The following SRGAP3 variants were observed in gnomAD, a reference collection of about 807,000 sequenced individuals.
SRGAP3 encodes SLIT-ROBO Rho GTPase-activating protein 3.
Under a neutral mutation model 121.1 loss-of-function variants are expected in SRGAP3, and 39 were observed. The ratio of observed to expected loss-of-function variants is 0.32; its 90% CI spans 0.25 to 0.42. The LOEUF (loss-of-function observed/expected upper bound fraction) is 0.42. Among genes scored for constraint, SRGAP3 ranks in the 10% least tolerant of loss-of-function variants. The probability of loss-of-function intolerance (pLI) is 1.00; values close to 1 mark genes in which losing one functional copy is unlikely to be tolerated. For synonymous variants in SRGAP3, 601 were observed against 570.0 expected (o/e 1.05, Z -0.77); for missense variants, 1,213 against 1,470.6 (o/e 0.82, Z 2.86).
intron 18 of SRGAP3, among the ~76,000 whole-genome samples, chr3:9,006,451 G>T (rs572768020): frequency 4.0e-5 from 6 of 151,834 alleles, no homozygotes; most frequent in Admixed American, 3.9e-4. Flanking sequence ...CACAACTGGG[G>T]TGTTTGTGCA....
At chr3:9,298,476 G>T (rs966963213) in intron 3 of SRGAP3, among the ~76,000 whole-genome samples, 6 of 152,068 alleles carry the variant, frequency 3.9e-5, no homozygotes, top group Non-Finnish European at 8.8e-5. Context: ...TAAAAATCTG[G>T]CTGTGATAGC....
chr3:8,982,090 CA>C lies in SRGAP3; in HGVS notation c.*3428del. 4.4e-6 allele frequency: 1 copy of C among 226,082 alleles called. No homozygotes were observed. Among genetic ancestry groups the C allele is most frequent in the Non-Finnish European group, 8.8e-6 (1 of 113,332 alleles). 14.0% of individuals were successfully genotyped at this position (226,082 alleles called of 1,614,324 possible). ...AGCACAGCTTGTTCTCAATTTTATC[CA>C]AAAAGCTCTTTAGTGGCAGCTGAGC... On this transcript the variant is annotated 3_prime_UTR_variant, in exon 22 of 22. Coordinates refer to ENST00000383836, the MANE Select transcript of SRGAP3 (RefSeq NM_014850.4).
Position 8,980,804 on chromosome 3 carries a change from C to A in SRGAP3, c.*4715G>T, listed in dbSNP as rs1941376848. 1 of 232,846 alleles carries A rather than the reference C, an allele frequency of 4.3e-6. No homozygotes were observed. 14.4% of individuals were successfully genotyped at this position (232,846 alleles called of 1,614,324 possible). A position where few individuals can be genotyped will look rare whatever the true frequency, so the allele number is the denominator to read the frequency against. ...CCTAGGGTGGTTTTGGTCTGTTTTT[C>A]CTGTCACAATTTGGGGAGGAAGGAA... On this transcript the variant is annotated 3_prime_UTR_variant, in exon 22 of 22. Transcript: ENST00000383836.
At chr3:9,234,699 G>A (rs1350173456) in intron 1 of SRGAP3, among the ~76,000 whole-genome samples, 5 of 152,122 alleles carry the variant, frequency 3.3e-5, no homozygotes, top group African/African-American at 7.2e-5. Flanking sequence ...ACCAGCAATC[G>A]GAAGCAAGGG....
At chr3:9,311,127 G>A (rs995753632) in intron 3 of SRGAP3, among the ~76,000 whole-genome samples, 9 of 150,510 alleles carry the variant, frequency 6.0e-5, no homozygotes, top group Admixed American at 2.7e-4. Flanking sequence ...CCCAGGTTGC[G>A]TCACTGCACT....
chr3:9,246,173 A>C (rs953516578), intron 1 of SRGAP3, among the ~76,000 whole-genome samples: 5 of 152,262 alleles, frequency 3.3e-5, no homozygotes, highest in African/African-American at 1.2e-4. Context: ...TGAAAAAGAC[A>C]TAAAAGGGAA....
rs368496076 is a variant in SRGAP3 at position 8,999,151 on chromosome 3, C to T, written c.2228-4628G>A. On this transcript the variant is annotated intron_variant, in intron 18 of 21. Transcript: ENST00000383836. Reference sequence around the variant, plus strand: ...CTACAGTGAGGGAAGAGATGAACAGCCCAGCCCCTGAGCTACAGGAGAGGT... The same window carrying T: ...CTACAGTGAGGGAAGAGATGAACAGTCCAGCCCCTGAGCTACAGGAGAGGT... 4.6e-5 allele frequency among the ~76,000 whole-genome samples: 7 copies of T among 152,314 alleles called. No homozygotes were observed. The South Asian group carries it at 8.3e-4, about 18-fold the overall frequency.
chr3:9,290,627 A>G (rs1002100047), intron 3 of SRGAP3, among the ~76,000 whole-genome samples: 1 of 152,206 alleles, frequency 6.6e-6, no homozygotes, highest in African/African-American at 2.4e-5. Context: ...CCTCTTCAGA[A>G]TCCTCTAACT....
intron 4 of SRGAP3, among the ~76,000 whole-genome samples, chr3:9,079,375 C>T (rs1316481978): frequency 6.6e-6 from 1 of 152,188 alleles, no homozygotes; most frequent in Non-Finnish European, 1.5e-5. Context: ...CTGAAAGTTC[C>T]TGCATCATCA....
intron 1 of SRGAP3, among the ~76,000 whole-genome samples, chr3:9,358,895 T>C (rs1451841515): frequency 6.6e-6 from 1 of 152,148 alleles, no homozygotes; most frequent in African/African-American, 2.4e-5. Context: ...GAAGGTTTAC[T>C]GAAAAATCTA....
Position 9,056,328 on chromosome 3 carries a change from G to C in SRGAP3, c.1030C>G (p.Gln344Glu), listed in dbSNP as rs201076448. The change falls in exon 8 of 22, where the codon CAG becomes GAG. Residue 344 changes from glutamine (Q) to glutamate (E), a missense_variant. Gln to Glu is a conservative substitution (Grantham distance 29). Around this residue, in one of 2 missense-constraint regions of SRGAP3, gnomAD observed 793 missense variants for 1,032.9 expected, o/e 0.77. Transcript: ENST00000383836. ...TGGACGGGCTGCTGAGCGCTGACCT[G>C]GCAGACCTGCAGGAATAACAGCCAC... is the stretch of plus-strand genomic sequence containing the variant. Reference protein sequence around the residue: ...FQPHMGDEVCQVSAQQPVQTE... With the variant: ...FQPHMGDEVCEVSAQQPVQTE... 3 of 1,612,776 alleles carry C rather than the reference G, an allele frequency of 1.9e-6. No individual in the cohort carries two copies. Among genetic ancestry groups the C allele is most frequent in the Non-Finnish European group, 8.5e-7 (1 of 1,179,886 alleles).
chr3:9,054,316 T>C (rs752416474), intron 8 of SRGAP3, among the ~76,000 whole-genome samples: 1 of 152,224 alleles, frequency 6.6e-6, no homozygotes, highest in Non-Finnish European at 1.5e-5. Context: ...ATTTACAGCC[T>C]ATCCTCTGAA....
intron 1 of SRGAP3, among the ~76,000 whole-genome samples, chr3:9,355,506 G>A (rs1201062605): frequency 6.6e-6 from 1 of 152,200 alleles, no homozygotes; most frequent in Non-Finnish European, 1.5e-5. Context: ...CCTAGGCCCT[G>A]CTGAATATGC....
At chr3:9,229,539 C>CT (rs1373952445) in intron 1 of SRGAP3, among the ~76,000 whole-genome samples, 1 of 152,192 alleles carries the variant, frequency 6.6e-6, no homozygotes, top group African/African-American at 2.4e-5. Context: ...TCAGCCACAG[C>CT]TTTGAGATAA....
At chr3:9,107,265 T>G (rs1390528920) in intron 2 of SRGAP3, among the ~76,000 whole-genome samples, 7 of 152,220 alleles carry the variant, frequency 4.6e-5, no homozygotes, top group African/African-American at 1.7e-4. Flanking sequence ...GTGGCCGTGA[T>G]GCACACTCTG....
At chr3:9,229,460 G>T (rs141343849) in intron 1 of SRGAP3, among the ~76,000 whole-genome samples, 1 of 152,158 alleles carries the variant, frequency 6.6e-6, no homozygotes, top group Non-Finnish European at 1.5e-5. Flanking sequence ...CCGGACAGAG[G>T]CCGGCATGGC....
intron 14 of SRGAP3, among the ~76,000 whole-genome samples, chr3:9,020,208 A>T (rs1261503757): frequency 6.6e-6 from 1 of 151,924 alleles, no homozygotes; most frequent in Non-Finnish European, 1.5e-5. Context: ...TCTACCTGTG[A>T]TTTTTTGATC....
intron 1 of SRGAP3, among the ~76,000 whole-genome samples, chr3:9,242,516 T>C (rs1460981723): frequency 2.6e-5 from 4 of 152,050 alleles, no homozygotes; most frequent in Non-Finnish European, 4.4e-5. Flanking sequence ...GTGCCTGTAG[T>C]CCCAGCTACT....
chr3:9,122,703 C>T lies in SRGAP3; in HGVS notation c.260+2022G>A, dbSNP rs535496815. On this transcript the variant is annotated intron_variant, in intron 2 of 21. Coordinates refer to ENST00000383836, the MANE Select transcript of SRGAP3 (RefSeq NM_014850.4). ...CAGCCTGGGTGGCAGAGCAAGACTC[C>T]GTCTCAAAAAAAAAAAAAAAAAAGG... Among the ~76,000 whole-genome samples, 10 of 138,316 alleles carry T rather than the reference C, an allele frequency of 7.2e-5. 1 individual carries two copies. Among genetic ancestry groups the T allele is most frequent in the South Asian group, 4.7e-4 (2 of 4,264 alleles). 90.7% of individuals were successfully genotyped at this position (138,316 alleles called of 152,430 possible). A position where few individuals can be genotyped will look rare whatever the true frequency, so the allele number is the denominator to read the frequency against.
Sources: allele counts gnomAD v4.1 joint callset (sites outside exome capture counted in the v4.1 genomes callset), GRCh38; gene constraint gnomAD v4.1.1; regional missense constraint gnomAD v4.1.1; transcripts MANE v1.5; gene names NCBI Gene and HGNC (gene_info 2026-07-23, HGNC 2026-07-21).